The following FNIP1 variants were observed in gnomAD, a reference collection of about 807,000 sequenced individuals.
FNIP1 encodes folliculin interacting protein 1.
Under a neutral mutation model 124.5 loss-of-function variants are expected in FNIP1, and 40 were observed. The ratio of observed to expected loss-of-function variants is 0.32; its 90% CI spans 0.25 to 0.42. FNIP1 has a LOEUF of 0.42. FNIP1 is among the 10% of genes least tolerant of loss of function. The pLI, the probability that FNIP1 is intolerant of heterozygous loss-of-function variation, is 1.00. For synonymous variants in FNIP1, 472 were observed against 470.6 expected, an observed-to-expected ratio of 1.00 and a Z score of -0.04; for missense variants, 1,176 against 1,403.7, an observed-to-expected ratio of 0.84 and a Z score of 2.59.
chr5:131,645,089 T>C (rs1580721769), intron 17 of FNIP1, among the ~76,000 whole-genome samples: 1 of 151,946 alleles, frequency 6.6e-6, no homozygotes. Flanking sequence ...GGAGGCCTAG[T>C]TGGGAGGATC....
At chr5:131,657,736 C>CAAAAAAAAGAAAAA (rs1767242247) in intron 15 of FNIP1, among the ~76,000 whole-genome samples, 1 of 65,056 alleles carries the variant, frequency 1.5e-5, no homozygotes, top group Non-Finnish European at 2.6e-5. Context: ...GAAAATAAGG[C>CAAAAAAAAGAAAAA]AAAAAAAAAA....
At chr5:131,677,562 C>T (rs1767945647) in intron 13 of FNIP1, 141 bp downstream of exon 13, 1 of 731,326 alleles carries the variant, frequency 1.4e-6, no homozygotes, top group Non-Finnish European at 2.2e-6. Flanking sequence ...AATTGGCAGA[C>T]ATGAAAGGAC....
intron 1 of FNIP1, among the ~76,000 whole-genome samples, chr5:131,784,987 ATATATATATGATATATATGAC>A (rs1405367257): frequency 1.2e-4 from 17 of 139,670 alleles, no homozygotes; most frequent in Admixed American, 2.2e-4. Context: ...TATATATATC[ATATATATATGATATATATGAC>A]TATATATATG....
intron 7 of FNIP1, among the ~76,000 whole-genome samples, chr5:131,709,868 A>G (rs1261470778): frequency 6.6e-6 from 1 of 152,206 alleles, no homozygotes; most frequent in Non-Finnish European, 1.5e-5. Context: ...ATATTAATCA[A>G]AACAAGAAGG....
At chr5:131,659,659 C>T (rs530941592) in intron 15 of FNIP1, among the ~76,000 whole-genome samples, 4 of 152,160 alleles carry the variant, frequency 2.6e-5, no homozygotes, top group Non-Finnish European at 5.9e-5. Flanking sequence ...CGCTGGAGTC[C>T]ATCACAATGC....
intron 17 of FNIP1, among the ~76,000 whole-genome samples, chr5:131,646,379 TA>T (rs1766881248): frequency 6.6e-6 from 1 of 152,174 alleles, no homozygotes; most frequent in Non-Finnish European, 1.5e-5. Flanking sequence ...ATAACACTAG[TA>T]AAAAATTTTC....
chr5:131,754,943 T>C (rs1389178868), intron 1 of FNIP1, among the ~76,000 whole-genome samples: 1 of 152,170 alleles, frequency 6.6e-6, no homozygotes, highest in African/African-American at 2.4e-5. Flanking sequence ...ACCTGAAGAC[T>C]ATATGGGGAA....
At chr5:131,709,310 T>A in intron 7 of FNIP1, 38 bp from the exon 8 acceptor site, 2 of 1,554,004 alleles carry the variant, frequency 1.3e-6, no homozygotes. Flanking sequence ...ATAAAATATA[T>A]TGCTATTCAG....
At position 131,643,634 on chromosome 5, in the gene FNIP1, G is replaced by C. The variant is rs1263253673; in HGVS notation, c.*1051C>G. The C allele has an allele frequency of 3.3e-5, 5 of 152,610 alleles. No homozygotes were observed. Among genetic ancestry groups the C allele is most frequent in the African/African-American group, 9.7e-5 (4 of 41,348 alleles). The allele number at this position is 152,610 out of a possible 1,614,324, so 9.5% of individuals were successfully genotyped here. On this transcript the variant is annotated 3_prime_UTR_variant, in exon 18 of 18. Coordinates refer to ENST00000510461, the MANE Select transcript of FNIP1 (RefSeq NM_133372.3). ...TTGAAAAAAATACACTTTTGGAAGG[G>C]AGGGACTCTTAGAAAAAAAGAGAAT...
At chr5:131,653,866 T>C (rs1324099166) in intron 15 of FNIP1, among the ~76,000 whole-genome samples, 2 of 152,146 alleles carry the variant, frequency 1.3e-5, no homozygotes, top group Non-Finnish European at 2.9e-5. Context: ...CTCAGCCTCC[T>C]GCGTAGCTGG....
intron 6 of FNIP1, among the ~76,000 whole-genome samples, chr5:131,715,914 G>A (rs1769452920): frequency 6.6e-6 from 1 of 152,022 alleles, no homozygotes. Flanking sequence ...TATTCTAATT[G>A]CTATCCCATT....
At chr5:131,770,370 C>T (rs1437284525) in intron 1 of FNIP1, among the ~76,000 whole-genome samples, 1 of 152,146 alleles carries the variant, frequency 6.6e-6, no homozygotes, top group Non-Finnish European at 1.5e-5. Context: ...GAAATAGAGA[C>T]ATTTTAGAAT....
intron 1 of FNIP1, among the ~76,000 whole-genome samples, chr5:131,752,806 G>A (rs1276192052): frequency 2.0e-5 from 3 of 152,150 alleles, no homozygotes; most frequent in Non-Finnish European, 4.4e-5. Context: ...GGTGGCTCAC[G>A]CCTGTAATCC....
At position 131,713,335 on chromosome 5, in the gene FNIP1, C is replaced by A. The variant is rs571487992; in HGVS notation, c.623-2674G>T. On this transcript the variant is annotated intron_variant, in intron 6 of 17. Transcript: ENST00000510461. ...TGCTGGGATTACAGGCGTGAGCCAC[C>A]GCGCCCGGCCTCGTACCCCTTCTTA... 2.6e-5 allele frequency among the ~76,000 whole-genome samples: 4 copies of A among 152,274 alleles called. No homozygotes were observed. In the East Asian group the frequency reaches 7.7e-4, roughly 29 times the overall value.
intron 2 of FNIP1, among the ~76,000 whole-genome samples, chr5:131,732,589 C>G (rs1770134853): frequency 6.6e-6 from 1 of 152,190 alleles, no homozygotes; most frequent in Non-Finnish European, 1.5e-5. Context: ...AACAGGGAAT[C>G]CTTTCCCCAT....
intron 3 of FNIP1, among the ~76,000 whole-genome samples, chr5:131,728,073 TGTATAACCC>T (rs1177802096): frequency 3.3e-5 from 5 of 152,212 alleles, no homozygotes; most frequent in African/African-American, 1.2e-4. Flanking sequence ...CTTTCCTTTG[TGTATAACCC>T]AATGTTTCTC....
intron 1 of FNIP1, among the ~76,000 whole-genome samples, chr5:131,751,411 C>T (rs2059012611): frequency 6.6e-6 from 1 of 151,798 alleles, no homozygotes; most frequent in Admixed American, 6.6e-5. Flanking sequence ...GTTCACATGC[C>T]TGTTTCTTCC....
At chr5:131,698,431 C>A (rs1768779578) in intron 11 of FNIP1, among the ~76,000 whole-genome samples, 1 of 152,212 alleles carries the variant, frequency 6.6e-6, no homozygotes, top group Non-Finnish European at 1.5e-5. Flanking sequence ...GCTTCAGGTA[C>A]AAGCTTTGTT....
At chr5:131,736,343 T>C (rs1770303662) in intron 2 of FNIP1, among the ~76,000 whole-genome samples, 1 of 152,206 alleles carries the variant, frequency 6.6e-6, no homozygotes, top group African/African-American at 2.4e-5. Context: ...CTCAAACAGG[T>C]TAAATAACTT....
Sources: allele counts gnomAD v4.1 joint callset (sites outside exome capture counted in the v4.1 genomes callset), GRCh38; gene constraint gnomAD v4.1.1; transcripts MANE v1.5; gene names NCBI Gene and HGNC (gene_info 2026-07-23, HGNC 2026-07-21).